NCKAP1L: variants seen among roughly 807,000 people sequenced by gnomAD.
The protein encoded by NCKAP1L is nck-associated protein 1-like.
In NCKAP1L, 53 loss-of-function variants were observed where a neutral mutation model predicts 139.2. That is an observed-to-expected ratio of 0.38 (90% CI 0.31 to 0.48). The LOEUF is 0.48. Among genes scored for constraint, NCKAP1L ranks in the 20% least tolerant of loss-of-function variants. The pLI is 0.98. For missense variants in NCKAP1L, 1,151 were observed against 1,381.9 expected, an observed-to-expected ratio of 0.83 and a Z score of 2.65; for synonymous variants, 468 against 499.7, an observed-to-expected ratio of 0.94 and a Z score of 0.85.
chr12:54,518,801 T>C, intron 14 of NCKAP1L, 69 bp downstream of exon 14: 1 of 1,532,002 alleles, frequency 6.5e-7, no homozygotes, highest in South Asian at 1.1e-5. Context: ...GAAATATTGA[T>C]CTTTGAGCCA....
At position 54,518,341 on chromosome 12, in the gene NCKAP1L, CA is replaced by C. The variant is rs200424208; in HGVS notation, c.1339-299del. Among the ~76,000 whole-genome samples the C allele has an allele frequency of 8.6e-3, 1,015 of 118,250 alleles. 9 individuals carry two copies. The highest frequency in any genetic ancestry group is 9.3e-3 in the Non-Finnish European group (510 of 54,616). The allele number at this position is 118,250 out of a possible 152,430, so 77.6% of individuals were successfully genotyped here. A position where few individuals can be genotyped will look rare whatever the true frequency, so the allele number is the denominator to read the frequency against. On this transcript the variant is annotated intron_variant, in intron 13 of 30. Transcript: ENST00000293373. ...TGGGCGACAGAGCGAGACTCTGTCT[CA>C]AAAAAAAAAAGGTCCAATCTGCCCC...
At chr12:54,531,629 C>A in intron 24 of NCKAP1L, 45 bp downstream of exon 24, 1 of 1,607,268 alleles carries the variant, frequency 6.2e-7, no homozygotes, top group Non-Finnish European at 8.5e-7. Flanking sequence ...TGTGGAATCA[C>A]ATTGCAGATG....
intron 27 of NCKAP1L, 111 bp downstream of exon 27, chr12:54,535,308 G>T (rs1957106083): frequency 1.3e-6 from 1 of 760,758 alleles, no homozygotes; most frequent in East Asian, 2.8e-5. Flanking sequence ...ATATTCAGAG[G>T]ATATAAGCTG....
At chr12:54,500,430 C>T in intron 2 of NCKAP1L, 103 bp from the exon 3 acceptor site, 1 of 831,936 alleles carries the variant, frequency 1.2e-6, no homozygotes, top group South Asian at 1.4e-5. Flanking sequence ...GGCCTCAACC[C>T]TCTTTAAGAA....
At position 54,512,009 on chromosome 12, in the gene NCKAP1L, A is replaced by G; in HGVS notation, c.845A>G (p.Lys282Arg). Residue 282 changes from lysine to arginine, a missense_variant, in exon 9 of 31, where the codon AAG becomes AGG. By Grantham distance (26) the Lys-to-Arg change is conservative. Transcript: ENST00000293373. ...NSNSQCQKLW[K>R]LCLQGSLYIT... ...AATAGCCAGTGCCAGAAGCTGTGGA[A>G]GCTGTGTCTGCAGGGCTCCCTCTAC... 6.2e-7 allele frequency: 1 copy of G among 1,614,202 alleles called. No homozygotes were observed. Among genetic ancestry groups the G allele is most frequent in the South Asian group, 1.1e-5 (1 of 91,088 alleles).
intron 30 of NCKAP1L, among the ~76,000 whole-genome samples, chr12:54,541,303 C>T (rs930143307): frequency 1.3e-5 from 2 of 152,240 alleles, no homozygotes; most frequent in Non-Finnish European, 2.9e-5. Flanking sequence ...AGTTTCTTGG[C>T]CATCACTCTA....
rs112262343 is a variant in NCKAP1L at position 54,534,785 on chromosome 12, G to A, written c.2863-319G>A. On this transcript the variant is annotated intron_variant, in intron 26 of 30. Transcript: ENST00000293373. ...GTCCCAAAGGGTTATTTTCCCTGTA[G>A]GATAGGGAGAGCTATGAAGGGAATA... 1.5e-3 allele frequency among the ~76,000 whole-genome samples: 226 copies of A among 152,236 alleles called. 1 individual carries two copies. Among genetic ancestry groups the A allele is most frequent in the African/African-American group, 5.0e-3 (208 of 41,538 alleles).
chr12:54,524,097 GCAGT>G, intron 20 of NCKAP1L, 141 bp downstream of exon 20: 1 of 897,338 alleles, frequency 1.1e-6, no homozygotes, highest in Non-Finnish European at 1.7e-6. Flanking sequence ...AGATTCTGTT[GCAGT>G]CAGTCTAGCA....
At chr12:54,535,854 G>C (rs1957109747) in intron 27 of NCKAP1L, among the ~76,000 whole-genome samples, 1 of 152,134 alleles carries the variant, frequency 6.6e-6, no homozygotes, top group Non-Finnish European at 1.5e-5. Context: ...GGCATCCTAG[G>C]GTTGCATTGT....
rs142345590 is a variant in NCKAP1L at position 54,542,659 on chromosome 12, G to T, written c.3358G>T (p.Val1120Leu). 7.4e-6 allele frequency: 12 copies of T among 1,614,024 alleles called. No individual in the cohort carries two copies. Among genetic ancestry groups the T allele is most frequent in the Non-Finnish European group, 9.3e-6 (11 of 1,179,962 alleles). The change falls in exon 31 of 31, where the codon GTG (valine) becomes TTG (leucine). Residue 1120 changes from valine to leucine, a missense_variant. Transcript: ENST00000293373. Reference protein sequence around the residue: ...YVLLRNAYREVSRAFHLN With the variant: ...YVLLRNAYRELSRAFHLN ...CCTGCTTCGAAATGCCTATCGGGAGGTGTCTCGGGCCTTCCACCTAAACTG... is the reference window on the plus strand; with the variant it reads ...CCTGCTTCGAAATGCCTATCGGGAGTTGTCTCGGGCCTTCCACCTAAACTG...
At position 54,542,859 on chromosome 12, in the gene NCKAP1L, C is replaced by A; in HGVS notation, c.*174C>A. ...GAAGAACAATCCAGGGCTGAGAAAT[C>A]GTAGAGCAGTGAGGCAGGCTGGGAG... On this transcript the variant is annotated 3_prime_UTR_variant, in exon 31 of 31. Coordinates refer to ENST00000293373, the MANE Select transcript of NCKAP1L (RefSeq NM_005337.5). 1 of 535,734 alleles carries A rather than the reference C, an allele frequency of 1.9e-6. No homozygotes were observed. The highest frequency in any genetic ancestry group is 3.3e-6 in the Non-Finnish European group (1 of 300,020). 33.2% of individuals were successfully genotyped at this position (535,734 alleles called of 1,614,324 possible).
At chr12:54,528,937 C>T (rs551589638) in intron 22 of NCKAP1L, among the ~76,000 whole-genome samples, 4 of 152,108 alleles carry the variant, frequency 2.6e-5, no homozygotes, top group African/African-American at 7.2e-5. Context: ...CCCCAGCCAG[C>T]GTCTTATGCT....
intron 3 of NCKAP1L, among the ~76,000 whole-genome samples, chr12:54,504,737 C>T (rs1956827108): frequency 6.6e-6 from 1 of 152,150 alleles, no homozygotes; most frequent in African/African-American, 2.4e-5. Flanking sequence ...ATTCCAGTTT[C>T]CTTATCTATA....
intron 9 of NCKAP1L, chr12:54,512,416 A>G (rs1257257028): frequency 8.2e-6 from 2 of 245,200 alleles, no homozygotes; most frequent in Non-Finnish European, 8.1e-6. Context: ...CATTACCTCA[A>G]TTTCCTCATC....
chr12:54,519,018 T>TC (rs766720241), intron 15 of NCKAP1L, 46 bp downstream of exon 15: 2 of 1,569,412 alleles, frequency 1.3e-6, no homozygotes, highest in Non-Finnish European at 1.8e-6. Flanking sequence ...AGATTCTTCC[T>TC]CCCCCACAAT....
Position 54,523,416 on chromosome 12 carries a change from C to G in NCKAP1L, c.1901C>G (p.Thr634Ser). ...AAGCTTCTACCTAAGCACTGTGCCA[C>G]TACAATCAGCAAAGCCAAGAACAAG... ...SEQLLPKHCA[T>S]TISKAKNKKT... Residue 634 changes from threonine (T) to serine (S), a missense_variant, in exon 19 of 31, where the codon ACT becomes AGT. Physicochemically the swap from Thr to Ser is moderately conservative, Grantham distance 58. Transcript: ENST00000293373. 1 of 1,614,138 alleles carries G rather than the reference C, an allele frequency of 6.2e-7. No individual in the cohort carries two copies. The highest frequency in any genetic ancestry group is 2.2e-5 in the East Asian group (1 of 44,888).
chr12:54,500,557 G>T lies in NCKAP1L; in HGVS notation c.238G>T (p.Glu80Ter). The change falls in exon 3 of 31, where the codon GAA (glutamate) becomes TAA (stop). Residue 80 changes from glutamate (E) to a stop codon, truncating the protein, a stop_gained. Transcript: ENST00000293373. LOFTEE classifies it high-confidence loss of function. ...GCAACATTTAGGACCAGTACATCGT[G>T]AAAAAGCCGAGATAATTAGATTCCT... Reference protein sequence around the residue: ...STQHLGPVHREKAEIIRFLTN... With the variant: ...STQHLGPVHR 6.2e-7 allele frequency: 1 copy of T among 1,613,248 alleles called. No individual in the cohort carries two copies. The highest frequency in any genetic ancestry group is 1.1e-5 in the South Asian group (1 of 91,054).
rs912164059 is a variant in NCKAP1L, at chr12:54,542,868, G to C, written c.*183G>C. ...TCCAGGGCTGAGAAATCGTAGAGCA[G>C]TGAGGCAGGCTGGGAGCATGGAGGA... is the stretch of plus-strand genomic sequence containing the variant. On this transcript the variant is annotated 3_prime_UTR_variant, in exon 31 of 31. Coordinates refer to ENST00000293373, the MANE Select transcript of NCKAP1L (RefSeq NM_005337.5). 2 of 532,940 alleles carry C rather than the reference G, an allele frequency of 3.8e-6. No individual in the cohort carries two copies. Among genetic ancestry groups the C allele is most frequent in the Admixed American group, 3.2e-5 (1 of 31,680 alleles). 33.0% of individuals were successfully genotyped at this position (532,940 alleles called of 1,614,324 possible). A position where few individuals can be genotyped will look rare whatever the true frequency, so the allele number is the denominator to read the frequency against.
At chr12:54,523,676 G>C (rs915237097) in intron 19 of NCKAP1L, 137 bp downstream of exon 19, 1 of 1,432,730 alleles carries the variant, frequency 7.0e-7, no homozygotes, top group African/African-American at 1.4e-5. Flanking sequence ...ACTTAAATGC[G>C]AATTTCCTAC....
Sources: allele counts gnomAD v4.1 joint callset (sites outside exome capture counted in the v4.1 genomes callset), GRCh38; gene constraint gnomAD v4.1.1; transcripts MANE v1.5; gene names NCBI Gene and HGNC (gene_info 2026-07-23, HGNC 2026-07-21).